CELF4: variants seen among roughly 807,000 people sequenced by gnomAD.
The protein encoded by CELF4 is CUGBP Elav-like family member 4.
CELF4 carries 18 observed loss-of-function variants against 59.9 expected under a neutral mutation model. That is an observed-to-expected ratio of 0.30 (90% CI 0.21 to 0.45). The LOEUF is 0.45. Among genes scored for constraint, CELF4 ranks in the 20% least tolerant of loss-of-function variants. The probability of loss-of-function intolerance (pLI) is 1.00; values close to 1 mark genes in which losing one functional copy is unlikely to be tolerated. For missense variants in CELF4, 456 were observed against 689.0 expected, an observed-to-expected ratio of 0.66 and a Z score of 3.79; for synonymous variants, 261 against 267.1, an observed-to-expected ratio of 0.98 and a Z score of 0.22.
chr18:37,353,233 A>AATATATATAT (rs1557327923), intron 2 of CELF4, among the ~76,000 whole-genome samples: 118 of 106,966 alleles, frequency 1.1e-3, no homozygotes, highest in Middle Eastern at 4.5e-3. Flanking sequence ...AAAAAAAAAA[A>AATATATATAT]ATATATATAT....
chr18:37,418,427 T>C (rs1399642285), intron 2 of CELF4, among the ~76,000 whole-genome samples: 2 of 152,206 alleles, frequency 1.3e-5, no homozygotes, highest in African/African-American at 4.8e-5. Context: ...TGCCCCCCAC[T>C]GAGCCTCTGT....
intron 2 of CELF4, among the ~76,000 whole-genome samples, chr18:37,330,623 C>T (rs1227411829): frequency 6.6e-6 from 1 of 152,132 alleles, no homozygotes; most frequent in Non-Finnish European, 1.5e-5. Context: ...TGAGGAGTTC[C>T]CGATGCCCAC....
chr18:37,302,166 G>A (rs906552697), intron 3 of CELF4, among the ~76,000 whole-genome samples: 1 of 152,194 alleles, frequency 6.6e-6, no homozygotes, highest in African/African-American at 2.4e-5. Flanking sequence ...TGTCCAGAAT[G>A]CCCACCGGCC....
At chr18:37,257,332 A>G (rs2070496172) in intron 11 of CELF4, among the ~76,000 whole-genome samples, 1 of 152,200 alleles carries the variant, frequency 6.6e-6, no homozygotes, top group South Asian at 2.1e-4. Flanking sequence ...TAAAGAGCAG[A>G]TGCAACTGAT....
At chr18:37,434,108 G>C (rs531671555) in intron 2 of CELF4, among the ~76,000 whole-genome samples, 1 of 152,268 alleles carries the variant, frequency 6.6e-6, no homozygotes, top group South Asian at 2.1e-4. Flanking sequence ...CGCTTTGTTG[G>C]GGAGACGGGA....
rs1364376006 is a variant in CELF4, at chr18:37,477,067, G to A, written c.369+8458C>T. On this transcript the variant is annotated intron_variant, in intron 2 of 12. Transcript: ENST00000420428. ...GGAATAGGAGATGCCAGAATGATCT[G>A]TTGGTGCCTCTGGAAATGCCAAGGC... 2.0e-5 allele frequency among the ~76,000 whole-genome samples: 3 copies of A among 152,364 alleles called. No homozygotes were observed. The East Asian group carries it at 5.8e-4, about 29-fold the overall frequency.
intron 2 of CELF4, among the ~76,000 whole-genome samples, chr18:37,331,480 A>G (rs1259888507): frequency 1.3e-5 from 2 of 152,096 alleles, no homozygotes; most frequent in African/African-American, 4.8e-5. Context: ...CGAGTATGAT[A>G]ATGATATGGC....
At chr18:37,505,205 A>G (rs1222213571) in intron 1 of CELF4, among the ~76,000 whole-genome samples, 2 of 152,200 alleles carry the variant, frequency 1.3e-5, no homozygotes, top group Non-Finnish European at 1.5e-5. Context: ...GGCCAGATTG[A>G]TGACCAACTT....
intron 1 of CELF4, among the ~76,000 whole-genome samples, chr18:37,552,862 C>G (rs1203174499): frequency 3.3e-5 from 5 of 152,216 alleles, no homozygotes; most frequent in Non-Finnish European, 4.4e-5. Flanking sequence ...TGGTGTGTGG[C>G]TGGTCAGCCC....
At chr18:37,519,120 C>T (rs1044271071) in intron 1 of CELF4, among the ~76,000 whole-genome samples, 18 of 137,694 alleles carry the variant, frequency 1.3e-4, no homozygotes, top group Non-Finnish European at 2.4e-4. Flanking sequence ...CCTCCAAGGG[C>T]CTGGCCACAG....
intron 3 of CELF4, among the ~76,000 whole-genome samples, chr18:37,300,779 G>A (rs1354292988): frequency 1.3e-5 from 2 of 152,224 alleles, no homozygotes; most frequent in East Asian, 3.8e-4. Context: ...GGCTGCATTA[G>A]GTTGGAAGTC....
At chr18:37,358,861 C>T (rs961337810) in intron 2 of CELF4, among the ~76,000 whole-genome samples, 10 of 152,092 alleles carry the variant, frequency 6.6e-5, no homozygotes, top group Non-Finnish European at 1.2e-4. Flanking sequence ...CCTAGCACTT[C>T]GGGAAGCTGA....
At chr18:37,463,731 C>T (rs1419569882) in intron 2 of CELF4, among the ~76,000 whole-genome samples, 1 of 152,162 alleles carries the variant, frequency 6.6e-6, no homozygotes, top group South Asian at 2.1e-4. Context: ...TCCTCTCCAG[C>T]CCCAACCTTG....
intron 2 of CELF4, among the ~76,000 whole-genome samples, chr18:37,342,019 G>A (rs991954065): frequency 2.0e-5 from 3 of 152,080 alleles, no homozygotes; most frequent in Admixed American, 6.5e-5. Context: ...GGTGCTTGGT[G>A]TTGTGTGTGT....
chr18:37,426,193 G>A (rs1002607288), intron 2 of CELF4, among the ~76,000 whole-genome samples: 6 of 152,236 alleles, frequency 3.9e-5, no homozygotes, highest in African/African-American at 1.4e-4. Context: ...CGGGGGAAGG[G>A]TAAAGTGGAC....
chr18:37,274,600 G>A, intron 5 of CELF4, 146 bp from the exon 6 acceptor site: 1 of 1,542,546 alleles, frequency 6.5e-7, no homozygotes, highest in Non-Finnish European at 8.7e-7. Context: ...AATGAGGTGT[G>A]AACCCCACCG....
At chr18:37,266,388 C>T (rs2077541873) in intron 9 of CELF4, 145 bp downstream of exon 9, 2 of 866,102 alleles carry the variant, frequency 2.3e-6, no homozygotes, top group Admixed American at 2.1e-5. Flanking sequence ...CCTGGAGGGT[C>T]TCTGCCAGCA....
chr18:37,497,208 C>G (rs889773542), intron 1 of CELF4, among the ~76,000 whole-genome samples: 2 of 152,178 alleles, frequency 1.3e-5, no homozygotes, highest in African/African-American at 4.8e-5. Context: ...TATCAGCTGA[C>G]TGGTACACAA....
chr18:37,308,472 T>C (rs1329030813), intron 3 of CELF4, among the ~76,000 whole-genome samples: 1 of 152,178 alleles, frequency 6.6e-6, no homozygotes, highest in Non-Finnish European at 1.5e-5. Context: ...CCCTCTGCCA[T>C]GCAGGATGTG....
Sources: allele counts gnomAD v4.1 joint callset (sites outside exome capture counted in the v4.1 genomes callset), GRCh38; gene constraint gnomAD v4.1.1; transcripts MANE v1.5; gene names NCBI Gene and HGNC (gene_info 2026-07-23, HGNC 2026-07-21).